Variants in RPS6KA5 observed in about 807,000 individuals in gnomAD.
RPS6KA5 encodes ribosomal protein S6 kinase A5.
RPS6KA5 carries 27 observed loss-of-function variants against 85.5 expected under a neutral mutation model. That is an observed-to-expected ratio of 0.32 (90% CI 0.23 to 0.44). The LOEUF is 0.44. Ranked by LOEUF, RPS6KA5 falls within the 20% of genes least tolerant of loss-of-function variation. RPS6KA5 has a pLI of 1.00. For missense variants in RPS6KA5, 811 were observed against 980.9 expected (o/e 0.83, Z 2.31); for synonymous variants, 334 against 348.2 (o/e 0.96, Z 0.46).
chr14:91,001,245 C>T, intron 1 of RPS6KA5, 86 bp from the exon 2 acceptor site: 2 of 772,266 alleles, frequency 2.6e-6, no homozygotes, highest in Non-Finnish European at 2.2e-6. Flanking sequence ...CAGCGACGCT[C>T]TATTTCTTGA....
rs60955568 is a variant in RPS6KA5, at chr14:90,849,918, G to A, written c.*22156C>T. On this transcript the variant is annotated 3_prime_UTR_variant, in exon 17 of 17. Coordinates refer to ENST00000614987, the MANE Select transcript of RPS6KA5 (RefSeq NM_004755.4). ...GCACCACATTAGAATCTCCATGGCC[G>A]TGCATGGTGGCTCATGCCTGTAATC... The A allele has an allele frequency of 0.29, 44,801 of 152,126 alleles. 6,804 individuals are homozygous for A. The highest frequency in any genetic ancestry group is 0.35 in the African/African-American group (14,382 of 41,470). The allele number at this position is 152,126 out of a possible 1,614,324, so 9.4% of individuals were successfully genotyped here. A position where few individuals can be genotyped will look rare whatever the true frequency, so the allele number is the denominator to read the frequency against.
At chr14:90,919,850 A>G (rs2036309982) in intron 7 of RPS6KA5, among the ~76,000 whole-genome samples, 1 of 152,196 alleles carries the variant, frequency 6.6e-6, no homozygotes, top group African/African-American at 2.4e-5. Flanking sequence ...TGTTAAAGTC[A>G]CAAAGAAATA....
At chr14:91,006,608 C>A in intron 1 of RPS6KA5, among the ~76,000 whole-genome samples, 1 of 152,214 alleles carries the variant, frequency 6.6e-6, no homozygotes. Context: ...GCACCTTAAT[C>A]TTGGAATTCC....
rs545409263 is a variant in RPS6KA5 at position 90,928,045 on chromosome 14, C to T, written c.619-4849G>A. Among the ~76,000 whole-genome samples, 7 of 150,608 alleles carry T rather than the reference C, an allele frequency of 4.6e-5. No homozygotes were observed. In the South Asian group the frequency reaches 1.0e-3, roughly 22 times the overall value. ...TGACTTCCCAGGCTCAAGTGATCCT[C>T]TTGCCTCAGCCTCCCAAGTAGCTGG... On this transcript the variant is annotated intron_variant, in intron 5 of 16. Coordinates refer to ENST00000614987, the MANE Select transcript of RPS6KA5 (RefSeq NM_004755.4).
chr14:90,908,856 T>C (rs570015995), intron 7 of RPS6KA5, among the ~76,000 whole-genome samples: 14 of 152,184 alleles, frequency 9.2e-5, no homozygotes, highest in East Asian at 1.9e-4. Flanking sequence ...CACAGGCTGC[T>C]ACAAGGGACA....
chr14:90,920,124 T>C, intron 7 of RPS6KA5, 82 bp downstream of exon 7: 1 of 890,954 alleles, frequency 1.1e-6, no homozygotes, highest in Non-Finnish European at 1.9e-6. Flanking sequence ...TAAAAAATTA[T>C]CGTTTACATC....
intron 1 of RPS6KA5, among the ~76,000 whole-genome samples, chr14:91,035,862 A>C (rs71415438): frequency 3.5e-4 from 24 of 67,730 alleles, no homozygotes; most frequent in Non-Finnish European, 4.6e-4. Flanking sequence ...AAAAAAAAAA[A>C]AAAAAAAAAA....
chr14:91,056,448 G>C (rs567654978), intron 1 of RPS6KA5, among the ~76,000 whole-genome samples: 1 of 152,270 alleles, frequency 6.6e-6, no homozygotes, highest in Non-Finnish European at 1.5e-5. Context: ...TTCAGTAGTG[G>C]AAGCTGTAGG....
intron 6 of RPS6KA5, among the ~76,000 whole-genome samples, chr14:90,921,713 A>G (rs2036407891): frequency 1.3e-5 from 2 of 152,230 alleles, no homozygotes; most frequent in African/African-American, 4.8e-5. Flanking sequence ...AAAACCAGTA[A>G]CACACAAACT....
rs577732900 is a variant in RPS6KA5 at position 90,850,593 on chromosome 14, T to G, written c.*21481A>C. Reference sequence around the variant, plus strand: ...TGATTAGCTCCAAGTTTTAGAAAGTTCTTGAACAAAAGGTACACATCAAAG... The same window carrying G: ...TGATTAGCTCCAAGTTTTAGAAAGTGCTTGAACAAAAGGTACACATCAAAG... On this transcript the variant is annotated 3_prime_UTR_variant, in exon 17 of 17. Transcript: ENST00000614987. 7.2e-5 allele frequency: 11 copies of G among 152,308 alleles called. No homozygotes were observed. In the South Asian group the frequency reaches 2.3e-3, roughly 32 times the overall value. The allele number at this position is 152,308 out of a possible 1,614,324, so 9.4% of individuals were successfully genotyped here. A position where few individuals can be genotyped will look rare whatever the true frequency, so the allele number is the denominator to read the frequency against.
chr14:90,980,211 A>C (rs147777715), intron 2 of RPS6KA5, among the ~76,000 whole-genome samples: 2 of 152,336 alleles, frequency 1.3e-5, no homozygotes, highest in East Asian at 3.9e-4. Context: ...ATTATGCACT[A>C]CACCTTCCAA....
chr14:90,996,377 T>A (rs560651649), intron 2 of RPS6KA5, among the ~76,000 whole-genome samples: 3 of 152,256 alleles, frequency 2.0e-5, no homozygotes, highest in African/African-American at 7.2e-5. Flanking sequence ...AGGATTAGTC[T>A]CATGGTTCTT....
At chr14:91,033,459 G>C (rs990745647) in intron 1 of RPS6KA5, among the ~76,000 whole-genome samples, 2 of 152,024 alleles carry the variant, frequency 1.3e-5, no homozygotes, top group African/African-American at 4.8e-5. Flanking sequence ...AAAATTAGCT[G>C]GGTGTGGTGG....
At chr14:91,020,792 T>G (rs373265849) in intron 1 of RPS6KA5, among the ~76,000 whole-genome samples, 2 of 152,118 alleles carry the variant, frequency 1.3e-5, no homozygotes, top group Non-Finnish European at 2.9e-5. Context: ...TATTTTGTCA[T>G]GTCTCTTAGG....
At chr14:90,971,666 G>A (rs906625979) in intron 3 of RPS6KA5, among the ~76,000 whole-genome samples, 1 of 152,152 alleles carries the variant, frequency 6.6e-6, no homozygotes, top group African/African-American at 2.4e-5. Flanking sequence ...CAAACAAGGC[G>A]AATTTAATCC....
chr14:90,988,812 C>CA (rs998961091), intron 2 of RPS6KA5, among the ~76,000 whole-genome samples: 2 of 150,152 alleles, frequency 1.3e-5, no homozygotes, highest in African/African-American at 5.0e-5. Flanking sequence ...GACTCCATCT[C>CA]AAAAAAATAA....
chr14:90,996,959 T>G (rs1425214521), intron 2 of RPS6KA5, among the ~76,000 whole-genome samples: 1 of 152,202 alleles, frequency 6.6e-6, no homozygotes, highest in Admixed American at 6.5e-5. Context: ...CATTACTGAA[T>G]TATAGATGAG....
At chr14:90,899,302 G>GGAA in intron 12 of RPS6KA5, 27 bp downstream of exon 12, 2 of 1,280,700 alleles carry the variant, frequency 1.6e-6, no homozygotes, top group Non-Finnish European at 2.2e-6. Flanking sequence ...GTACACATGG[G>GGAA]AAAAAAAAAA....
In RPS6KA5 at chr14:90,849,447, T is replaced by C. The variant is rs537202677; in HGVS notation, c.*22627A>G. On this transcript the variant is annotated 3_prime_UTR_variant, in exon 17 of 17. Transcript: ENST00000614987. ...GCCTTGGGCTACTACACAGCTGATA[T>C]GAGTGGACAGCAAAGAGCTGTGTAA... 5.9e-5 allele frequency: 9 copies of C among 152,372 alleles called. No individual in the cohort carries two copies. Among genetic ancestry groups the C allele is most frequent in the African/African-American group, 1.9e-4 (8 of 41,566 alleles). 9.4% of individuals were successfully genotyped at this position (152,372 alleles called of 1,614,324 possible). A position where few individuals can be genotyped will look rare whatever the true frequency, so the allele number is the denominator to read the frequency against.
Sources: gnomAD v4.1 joint callset for allele counts (sites outside exome capture counted in the v4.1 genomes callset) on GRCh38, gnomAD v4.1.1 for gene constraint, MANE v1.5 for transcripts, NCBI Gene and HGNC (gene_info 2026-07-23, HGNC 2026-07-21) for gene names.